COL26A1: variants seen among roughly 807,000 people sequenced by gnomAD.
COL26A1 encodes collagen type XXVI alpha 1 chain.
COL26A1 carries 41 observed loss-of-function variants against 59.3 expected under a neutral mutation model. The ratio of observed to expected loss-of-function variants is 0.69; its 90% CI spans 0.54 to 0.90. The LOEUF (loss-of-function observed/expected upper bound fraction) is 0.90. Ranked by LOEUF, COL26A1 falls within the 40% of genes least tolerant of loss-of-function variation. The pLI is 0.00. For synonymous variants in COL26A1, 266 were observed against 256.0 expected (o/e 1.04, Z -0.37); for missense variants, 612 against 602.3 (o/e 1.02, Z -0.17).
intron 2 of COL26A1, among the ~76,000 whole-genome samples, chr7:101,442,031 A>G (rs532567225): frequency 6.6e-6 from 1 of 152,260 alleles, no homozygotes; most frequent in African/African-American, 2.4e-5. Context: ...TCCTGAGCCC[A>G]GGGCTCCATT....
Position 101,429,589 on chromosome 7 carries a change from C to CTTTTTTTTTTTTTTTTTTT in COL26A1, c.281+9493_281+9511dup, listed in dbSNP as rs58432413. On this transcript the variant is annotated intron_variant, in intron 2 of 12. Transcript: ENST00000313669. ...ATTCTTTTTTTTCCTTTCTTTTTTA[C>CTTTTTTTTTTTTTTTTTTT]TTTTTTTTTTTTTTTTTTTTTGAGA... Among the ~76,000 whole-genome samples the CTTTTTTTTTTTTTTTTTTT allele has an allele frequency of 3.2e-3, 248 of 78,664 alleles. 3 individuals carry two copies. Among genetic ancestry groups the CTTTTTTTTTTTTTTTTTTT allele is most frequent in the Non-Finnish European group, 3.9e-3 (165 of 42,300 alleles). The allele number at this position is 78,664 out of a possible 152,430, so 51.6% of individuals were successfully genotyped here. A position where few individuals can be genotyped will look rare whatever the true frequency, so the allele number is the denominator to read the frequency against.
chr7:101,543,891 C>T, intron 5 of COL26A1, 107 bp from the exon 6 acceptor site: 2 of 712,334 alleles, frequency 2.8e-6, no homozygotes, highest in Non-Finnish European at 4.7e-6. Flanking sequence ...CCCAGGTAGG[C>T]AGGGCTCCTG....
At chr7:101,449,598 G>A (rs758115915) in intron 3 of COL26A1, among the ~76,000 whole-genome samples, 2 of 151,308 alleles carry the variant, frequency 1.3e-5, no homozygotes, top group Non-Finnish European at 3.0e-5. Flanking sequence ...GTGAAACCCT[G>A]TCTCTACTAA....
chr7:101,397,099 G>A (rs1791873092), intron 1 of COL26A1, among the ~76,000 whole-genome samples: 1 of 152,142 alleles, frequency 6.6e-6, no homozygotes, highest in Non-Finnish European at 1.5e-5. Context: ...TGTGCAATGG[G>A]TGAAGTTGAC....
At chr7:101,546,053 G>C (rs948233821) in intron 7 of COL26A1, among the ~76,000 whole-genome samples, 3 of 152,244 alleles carry the variant, frequency 2.0e-5, no homozygotes, top group African/African-American at 7.2e-5. Context: ...CAGTCCAAGA[G>C]AGCCTCTGAA....
At chr7:101,539,172 C>T (rs547238279) in intron 4 of COL26A1, among the ~76,000 whole-genome samples, 12 of 152,292 alleles carry the variant, frequency 7.9e-5, no homozygotes, top group Admixed American at 4.6e-4. Context: ...CAATCGTGGC[C>T]ACTTTTGTTT....
chr7:101,393,909 G>T (rs905617368), intron 1 of COL26A1, among the ~76,000 whole-genome samples: 1 of 151,794 alleles, frequency 6.6e-6, no homozygotes, highest in African/African-American at 2.4e-5. Flanking sequence ...ACTACACCTG[G>T]CTAATTTTTA....
chr7:101,487,815 G>A (rs981639657), intron 3 of COL26A1, among the ~76,000 whole-genome samples: 10 of 152,098 alleles, frequency 6.6e-5, no homozygotes, highest in African/African-American at 2.4e-4. Context: ...GGCAGGTTTG[G>A]CCCCCACCAC....
chr7:101,422,650 CTT>C (rs56812806), intron 2 of COL26A1, among the ~76,000 whole-genome samples: 1 of 151,402 alleles, frequency 6.6e-6, no homozygotes, highest in Non-Finnish European at 1.5e-5. Flanking sequence ...TTCTTTCTTT[CTT>C]TTTTTTTGGA....
intron 2 of COL26A1, among the ~76,000 whole-genome samples, chr7:101,441,345 TCTGTC>T (rs1425282505): frequency 1.3e-5 from 2 of 152,222 alleles, no homozygotes; most frequent in African/African-American, 2.4e-5. Context: ...AGAGTCTCCC[TCTGTC>T]ACCCAGACTG....
chr7:101,478,335 G>A lies in COL26A1; in HGVS notation c.385+30548G>A, dbSNP rs369885635. 2.8e-4 allele frequency among the ~76,000 whole-genome samples: 43 copies of A among 152,236 alleles called. No individual in the cohort carries two copies. The East Asian group carries it at 6.6e-3, about 23-fold the overall frequency. ...TTTCTGTGACTTGAGGTGCGGTTTC[G>A]GGAGAGCGTGGTGGTAAATGTGTGT... On this transcript the variant is annotated intron_variant, in intron 3 of 12. Transcript: ENST00000313669.
intron 3 of COL26A1, among the ~76,000 whole-genome samples, chr7:101,521,701 G>T (rs1330366484): frequency 6.6e-6 from 1 of 152,158 alleles, no homozygotes; most frequent in Admixed American, 6.5e-5. Context: ...ATTACAAACT[G>T]ATCATGCCTG....
At chr7:101,423,816 G>A (rs1030172085) in intron 2 of COL26A1, among the ~76,000 whole-genome samples, 4 of 152,080 alleles carry the variant, frequency 2.6e-5, no homozygotes, top group African/African-American at 4.8e-5. Flanking sequence ...CTTGGAGTTC[G>A]GAGGCCAAAA....
At chr7:101,364,572 C>CTTT (rs10596691) in intron 1 of COL26A1, among the ~76,000 whole-genome samples, 2 of 146,318 alleles carry the variant, frequency 1.4e-5, no homozygotes, top group Admixed American at 6.9e-5. Context: ...TGCTTTCTTT[C>CTTT]TTTTTTTTTT....
intron 1 of COL26A1, among the ~76,000 whole-genome samples, chr7:101,376,797 C>T (rs970104885): frequency 6.6e-6 from 1 of 152,022 alleles, no homozygotes; most frequent in Non-Finnish European, 1.5e-5. Flanking sequence ...TGGGAGGGAT[C>T]GGAGGGTGCT....
At chr7:101,538,373 G>A (rs1023536271) in intron 4 of COL26A1, among the ~76,000 whole-genome samples, 1 of 152,246 alleles carries the variant, frequency 6.6e-6, no homozygotes, top group South Asian at 2.1e-4. Flanking sequence ...CTGTTGGGAG[G>A]ATAAACTGTG....
At chr7:101,422,372 GA>G (rs3072484) in intron 2 of COL26A1, among the ~76,000 whole-genome samples, 42 of 72,992 alleles carry the variant, frequency 5.8e-4, no homozygotes, top group East Asian at 3.2e-3. Context: ...GGTCCAAAAT[GA>G]AAAAAAAAAA....
chr7:101,432,806 G>C lies in COL26A1; in HGVS notation c.281+12707G>C, dbSNP rs149392676. Among the ~76,000 whole-genome samples the C allele has an allele frequency of 4.3e-3, 648 of 152,106 alleles. 3 individuals are homozygous for C. The highest frequency in any genetic ancestry group is 0.015 in the African/African-American group (626 of 41,502). On this transcript the variant is annotated intron_variant, in intron 2 of 12. Transcript: ENST00000313669. ...CAACCTCTGCCTTCTGGGTTCAACC[G>C]ATTCTCCTACCTCAGCCTCCCTAGT...
At chr7:101,436,836 C>T (rs1205945242) in intron 2 of COL26A1, among the ~76,000 whole-genome samples, 1 of 152,116 alleles carries the variant, frequency 6.6e-6, no homozygotes, top group East Asian at 1.9e-4. Flanking sequence ...CTGCCTCAGC[C>T]CCCTGAGTAG....
Sources: gnomAD v4.1 joint callset for allele counts (sites outside exome capture counted in the v4.1 genomes callset) on GRCh38, gnomAD v4.1.1 for gene constraint, MANE v1.5 for transcripts, NCBI Gene and HGNC (gene_info 2026-07-23, HGNC 2026-07-21) for gene names.